Variants in LRRTM4 observed in about 807,000 individuals in gnomAD.
LRRTM4 encodes leucine-rich repeat transmembrane neuronal protein 4.
LRRTM4 carries 25 observed loss-of-function variants against 47.6 expected under a neutral mutation model. The observed-to-expected ratio is 0.53, with a 90% CI of 0.38 to 0.73. The LOEUF (loss-of-function observed/expected upper bound fraction) is 0.73. Among genes scored for constraint, LRRTM4 ranks in the 30% least tolerant of loss-of-function variants. LRRTM4 has a pLI of 0.00. For missense variants in LRRTM4, 638 were observed against 713.4 expected (o/e 0.89, Z 1.20); for synonymous variants, 311 against 269.5 (o/e 1.15, Z -1.51).
Position 77,218,278 on chromosome 2 carries a change from G to T in LRRTM4, c.1551+300040C>A, listed in dbSNP as rs186769338. Among the ~76,000 whole-genome samples, 443 of 152,258 alleles carry T rather than the reference G, an allele frequency of 2.9e-3. 1 individual carries two copies. The highest frequency in any genetic ancestry group is 9.7e-3 in the African/African-American group (402 of 41,544). On this transcript the variant is annotated intron_variant, in intron 3 of 3. Coordinates refer to ENST00000409884, the MANE Select transcript of LRRTM4 (RefSeq NM_001134745.3). ...CAACATGCTGGGACTGTAGGTGTGAGCCACTGCACCCAGCTGAGGTCTCTT... is the reference window on the plus strand; with the variant it reads ...CAACATGCTGGGACTGTAGGTGTGATCCACTGCACCCAGCTGAGGTCTCTT...
At chr2:77,087,801 G>C (rs1182110607) in intron 3 of LRRTM4, among the ~76,000 whole-genome samples, 2 of 152,130 alleles carry the variant, frequency 1.3e-5, no homozygotes, top group African/African-American at 4.8e-5. Context: ...GTATACTAAA[G>C]AAAAATATTA....
In LRRTM4 at chr2:76,878,218, G is replaced by A. The variant is rs553404318; in HGVS notation, c.1552-129302C>T. Among the ~76,000 whole-genome samples, 23 of 152,136 alleles carry A rather than the reference G, an allele frequency of 1.5e-4. No individual in the cohort carries two copies. In the South Asian group the frequency reaches 3.1e-3, roughly 21 times the overall value. On this transcript the variant is annotated intron_variant, in intron 3 of 3. Transcript: ENST00000409884. ...AGCAAACGGCACTCATATAAAACATGGCAAACTTAATTGATAAATGTTATA... is the reference window on the plus strand; with the variant it reads ...AGCAAACGGCACTCATATAAAACATAGCAAACTTAATTGATAAATGTTATA...
At chr2:76,821,412 G>A (rs1671050109) in intron 3 of LRRTM4, among the ~76,000 whole-genome samples, 1 of 151,632 alleles carries the variant, frequency 6.6e-6, no homozygotes, top group Non-Finnish European at 1.5e-5. Context: ...GAGGACAGAT[G>A]TCTAGTTTAT....
At chr2:77,053,557 T>C (rs1173606735) in intron 3 of LRRTM4, among the ~76,000 whole-genome samples, 1 of 152,162 alleles carries the variant, frequency 6.6e-6, no homozygotes, top group African/African-American at 2.4e-5. Context: ...AGGCCTAAAA[T>C]GATTGCTTAC....
At chr2:77,136,530 A>G (rs1332066145) in intron 3 of LRRTM4, among the ~76,000 whole-genome samples, 1 of 152,160 alleles carries the variant, frequency 6.6e-6, no homozygotes, top group Non-Finnish European at 1.5e-5. Context: ...TGGGGAAAAA[A>G]CAGATCAGAA....
At chr2:77,437,762 GT>G (rs1299361765) in intron 3 of LRRTM4, among the ~76,000 whole-genome samples, 3 of 152,038 alleles carry the variant, frequency 2.0e-5, no homozygotes, top group Non-Finnish European at 4.4e-5. Flanking sequence ...GATTGCCTTA[GT>G]TCCTTTTTGA....
At chr2:77,448,663 T>C (rs1366889984) in intron 3 of LRRTM4, among the ~76,000 whole-genome samples, 1 of 152,110 alleles carries the variant, frequency 6.6e-6, no homozygotes, top group African/African-American at 2.4e-5. Flanking sequence ...AATATTAGTG[T>C]GGGCATGAGA....
intron 3 of LRRTM4, among the ~76,000 whole-genome samples, chr2:76,878,727 A>G (rs1672845150): frequency 1.3e-5 from 2 of 152,044 alleles, no homozygotes; most frequent in African/African-American, 4.8e-5. Context: ...TACAAAATTT[A>G]ACCAGGCATG....
intron 3 of LRRTM4, among the ~76,000 whole-genome samples, chr2:77,276,349 A>C (rs1163426021): frequency 3.8e-5 from 5 of 131,652 alleles, no homozygotes; most frequent in Non-Finnish European, 4.5e-5. Context: ...AGGAAGGAAA[A>C]AAGGAAGGAA....
chr2:77,364,740 A>G (rs1286450033), intron 3 of LRRTM4, among the ~76,000 whole-genome samples: 1 of 152,072 alleles, frequency 6.6e-6, no homozygotes, highest in Admixed American at 6.6e-5. Context: ...TCTTAATAGT[A>G]AGGGGGCATA....
intron 3 of LRRTM4, among the ~76,000 whole-genome samples, chr2:77,072,800 C>CAAAAAAAAAAAAAA (rs373786120): frequency 7.6e-5 from 6 of 78,742 alleles, no homozygotes; most frequent in African/African-American, 2.5e-4. Flanking sequence ...CTCCGTCTTC[C>CAAAAAAAAAAAAAA]AAAAAAAAAA....
At chr2:77,330,761 T>C (rs903999796) in intron 3 of LRRTM4, among the ~76,000 whole-genome samples, 1 of 152,214 alleles carries the variant, frequency 6.6e-6, no homozygotes, top group Admixed American at 6.5e-5. Flanking sequence ...GACAAAAGTA[T>C]GTTCTAAACA....
intron 3 of LRRTM4, among the ~76,000 whole-genome samples, chr2:77,481,466 T>C (rs1278116191): frequency 6.6e-6 from 1 of 152,182 alleles, no homozygotes; most frequent in Non-Finnish European, 1.5e-5. Flanking sequence ...GTAAATGGAT[T>C]CTACCTTTGA....
chr2:76,769,531 A>G (rs529295860), intron 3 of LRRTM4, among the ~76,000 whole-genome samples: 51 of 152,220 alleles, frequency 3.4e-4, no homozygotes, highest in African/African-American at 1.1e-3. Flanking sequence ...AACTGAAAAA[A>G]AAACAAAAAT....
At chr2:76,888,978 TG>T (rs1215130310) in intron 3 of LRRTM4, among the ~76,000 whole-genome samples, 2 of 151,894 alleles carry the variant, frequency 1.3e-5, no homozygotes, top group Non-Finnish European at 2.9e-5. Flanking sequence ...CAAATAGCTT[TG>T]GGCTTAAGGT....
chr2:77,168,051 T>C (rs904456930), intron 3 of LRRTM4, among the ~76,000 whole-genome samples: 3 of 152,146 alleles, frequency 2.0e-5, no homozygotes, highest in African/African-American at 7.2e-5. Flanking sequence ...AATTTATATT[T>C]ATTAGTTTTT....
At chr2:76,908,295 C>G (rs1673922293) in intron 3 of LRRTM4, among the ~76,000 whole-genome samples, 1 of 152,062 alleles carries the variant, frequency 6.6e-6, no homozygotes. Flanking sequence ...ATTTAACAAC[C>G]TTCATGCTAA....
chr2:77,075,564 C>T (rs1680304643), intron 3 of LRRTM4, among the ~76,000 whole-genome samples: 1 of 152,032 alleles, frequency 6.6e-6, no homozygotes, highest in Admixed American at 6.6e-5. Context: ...CTCATACACT[C>T]AAATTGTATG....
At chr2:76,822,701 A>G (rs749879711) in intron 3 of LRRTM4, among the ~76,000 whole-genome samples, 1 of 151,562 alleles carries the variant, frequency 6.6e-6, no homozygotes, top group Non-Finnish European at 1.5e-5. Context: ...TGCAGAAAAT[A>G]TAAATAAGAT....
Sources: gnomAD v4.1 joint callset for allele counts (sites outside exome capture counted in the v4.1 genomes callset) on GRCh38, gnomAD v4.1.1 for gene constraint, MANE v1.5 for transcripts, NCBI Gene and HGNC (gene_info 2026-07-23, HGNC 2026-07-21) for gene names.